The following JMY variants were observed in gnomAD, a reference collection of about 807,000 sequenced individuals.
The protein encoded by JMY is junction-mediating and -regulatory protein.
A neutral mutation model predicts 103.3 loss-of-function variants in JMY; 46 were observed. The ratio of observed to expected loss-of-function variants is 0.45; its 90% CI spans 0.35 to 0.57. The LOEUF (loss-of-function observed/expected upper bound fraction) is 0.57. Ranked by LOEUF, JMY falls within the 20% of genes least tolerant of loss-of-function variation. The pLI is 0.00. For synonymous variants in JMY, 526 were observed against 489.3 expected (o/e 1.07, Z -0.99); for missense variants, 1,238 against 1,255.2 (o/e 0.99, Z 0.21).
At chr5:79,315,272 T>C (rs945016199) in intron 9 of JMY, among the ~76,000 whole-genome samples, 1 of 152,214 alleles carries the variant, frequency 6.6e-6, no homozygotes, top group Non-Finnish European at 1.5e-5. Context: ...GACTTTTGTG[T>C]ATTTGTATAA....
At chr5:79,280,854 ATT>A (rs35313155) in intron 2 of JMY, among the ~76,000 whole-genome samples, 39 of 147,124 alleles carry the variant, frequency 2.7e-4, no homozygotes, top group South Asian at 4.3e-4. Flanking sequence ...GATTCCAAAG[ATT>A]TTTTTTTTTT....
intron 4 of JMY, among the ~76,000 whole-genome samples, chr5:79,293,088 C>T (rs1160583845): frequency 6.6e-6 from 1 of 152,132 alleles, no homozygotes; most frequent in Admixed American, 6.6e-5. Flanking sequence ...TTTTGCAAAA[C>T]AGTACTACCC....
In JMY at chr5:79,236,586, C is replaced by T. The variant is rs1475884719; in HGVS notation, c.-65C>T. ...GGGTGAGCGGGGGGCGCGGCGCAGCCAGCGGGGAGTCCTCGGGCGGGCCGG... is the reference window on the plus strand; with the variant it reads ...GGGTGAGCGGGGGGCGCGGCGCAGCTAGCGGGGAGTCCTCGGGCGGGCCGG... On this transcript the variant is annotated 5_prime_UTR_variant, in exon 1 of 11. Transcript: ENST00000396137. 7 of 1,244,110 alleles carry T rather than the reference C, an allele frequency of 5.6e-6. No individual in the cohort carries two copies. In the East Asian group the frequency reaches 1.9e-4, roughly 34 times the overall value. 77.1% of individuals were successfully genotyped at this position (1,244,110 alleles called of 1,614,324 possible). A position where few individuals can be genotyped will look rare whatever the true frequency, so the allele number is the denominator to read the frequency against.
chr5:79,292,846 A>G (rs1271483013), intron 4 of JMY, among the ~76,000 whole-genome samples: 1 of 152,188 alleles, frequency 6.6e-6, no homozygotes, highest in African/African-American at 2.4e-5. Flanking sequence ...TTAATGTAAT[A>G]GTCTGGATTG....
chr5:79,281,769 C>T (rs972756361), intron 2 of JMY, among the ~76,000 whole-genome samples: 3 of 152,164 alleles, frequency 2.0e-5, no homozygotes, highest in African/African-American at 7.2e-5. Context: ...GAGGTGTATA[C>T]AGCTGTCAAA....
intron 6 of JMY, among the ~76,000 whole-genome samples, chr5:79,303,960 A>AC (rs1746811607): frequency 6.6e-6 from 1 of 152,154 alleles, no homozygotes; most frequent in African/African-American, 2.4e-5. Context: ...AACCTTGGTG[A>AC]CCATGGCCCA....
chr5:79,239,665 G>A (rs1440626493), intron 1 of JMY, among the ~76,000 whole-genome samples: 3 of 151,994 alleles, frequency 2.0e-5, no homozygotes, highest in African/African-American at 4.8e-5. Context: ...GAAAAAATTA[G>A]CCGGGTGTGG....
At chr5:79,279,094 G>A (rs1274558092) in intron 2 of JMY, among the ~76,000 whole-genome samples, 1 of 152,100 alleles carries the variant, frequency 6.6e-6, no homozygotes, top group Non-Finnish European at 1.5e-5. Flanking sequence ...AGCACTTTGG[G>A]AGGCTGAGGC....
At position 79,316,008 on chromosome 5, in the gene JMY, C is replaced by T; in HGVS notation, c.2668C>T (p.Pro890Ser). Residue 890 changes from proline (P) to serine (S), a missense_variant, in exon 10 of 11, where the codon CCC (proline) becomes TCC (serine). Pro to Ser is a moderately conservative substitution (Grantham distance 74). Transcript: ENST00000396137. Reference protein sequence around the residue: ...EGLQRRRVSSPMDEVLASLKR... With the variant: ...EGLQRRRVSSSMDEVLASLKR... ...TGTTTCATTTTCCAAAGTGAGCTCA[C>T]CCATGGATGAGGTGCTAGCCTCCTT... 6.2e-7 allele frequency: 1 copy of T among 1,613,446 alleles called. No individual in the cohort carries two copies. Among genetic ancestry groups the T allele is most frequent in the South Asian group, 1.1e-5 (1 of 90,992 alleles).
At chr5:79,284,889 CGTAAGGTGCTT>C in intron 2 of JMY, 2 of 1,561,898 alleles carry the variant, frequency 1.3e-6, no homozygotes, top group South Asian at 2.2e-5. Flanking sequence ...TGCTGCCTTT[CGTAAGGTGCTT>C]GTTCTTGCCA....
intron 6 of JMY, among the ~76,000 whole-genome samples, chr5:79,302,048 AC>A (rs1746749961): frequency 7.0e-6 from 1 of 142,026 alleles, no homozygotes; most frequent in South Asian, 2.2e-4. Context: ...GCACCATTGC[AC>A]TCCAGCCTGG....
At chr5:79,297,067 G>T (rs1469339094) in intron 4 of JMY, among the ~76,000 whole-genome samples, 1 of 151,906 alleles carries the variant, frequency 6.6e-6, no homozygotes. Flanking sequence ...CGTCTTTTTG[G>T]GCTGGTAATC....
chr5:79,272,092 A>G (rs1252347664), intron 1 of JMY, among the ~76,000 whole-genome samples: 1 of 151,278 alleles, frequency 6.6e-6, no homozygotes, highest in African/African-American at 2.4e-5. Context: ...AGCCTGTGTC[A>G]TAGAGTGAGA....
Position 79,314,648 on chromosome 5 carries a change from C to T in JMY, c.2456C>T (p.Pro819Leu), listed in dbSNP as rs747869576. The change falls in exon 9 of 11, where the codon CCT (proline) becomes CTT (leucine). Residue 819 changes from proline to leucine, a missense_variant. Physicochemically the swap from Pro to Leu is moderately conservative, Grantham distance 98. Coordinates refer to ENST00000396137, the MANE Select transcript of JMY (RefSeq NM_152405.5). Reference protein sequence around the residue: ...PTPPPPPPPPPPPPPPPLPVA... With the variant: ...PTPPPPPPPPLPPPPPPLPVA... ...CCACCACCTCCCCCACCTCCTCCCC[C>T]TCCCCCACCACCACCACCTCTGCCT... 6.4e-6 allele frequency: 10 copies of T among 1,570,868 alleles called. No homozygotes were observed. The South Asian group carries it at 1.0e-4, about 16-fold the overall frequency.
At chr5:79,285,087 C>A (rs1023643259) in intron 2 of JMY, among the ~76,000 whole-genome samples, 1 of 152,122 alleles carries the variant, frequency 6.6e-6, no homozygotes, top group Admixed American at 6.5e-5. Context: ...GATTGTCCAA[C>A]TTATTTTTAA....
At chr5:79,298,100 C>A (rs1027906926) in intron 4 of JMY, among the ~76,000 whole-genome samples, 1 of 152,108 alleles carries the variant, frequency 6.6e-6, no homozygotes, top group Admixed American at 6.6e-5. Context: ...GAGAAACTTA[C>A]AGAGTGCTAG....
chr5:79,276,763 C>T (rs976076106), intron 1 of JMY, among the ~76,000 whole-genome samples: 1 of 152,088 alleles, frequency 6.6e-6, no homozygotes, highest in East Asian at 1.9e-4. Flanking sequence ...CACGCCACTA[C>T]ACCCAGCTAA....
intron 7 of JMY, among the ~76,000 whole-genome samples, chr5:79,311,974 G>A (rs180763614): frequency 4.6e-5 from 7 of 152,110 alleles, no homozygotes; most frequent in Non-Finnish European, 8.8e-5. Flanking sequence ...GCATCACCAC[G>A]ACCGGCTAAT....
chr5:79,253,944 CTTTTTTTTT>C (rs562468793), intron 1 of JMY, among the ~76,000 whole-genome samples: 3 of 131,472 alleles, frequency 2.3e-5, no homozygotes, highest in African/African-American at 5.6e-5. Flanking sequence ...TGGTAGATGA[CTTTTTTTTT>C]TTTTTTTTTT....
Sources: allele counts gnomAD v4.1 joint callset (sites outside exome capture counted in the v4.1 genomes callset), GRCh38; gene constraint gnomAD v4.1.1; transcripts MANE v1.5; gene names NCBI Gene and HGNC (gene_info 2026-07-23, HGNC 2026-07-21).